WNK2: variants seen among roughly 807,000 people sequenced by gnomAD.
WNK2 encodes the protein WNK lysine deficient protein kinase 2.
Under a neutral mutation model 192.1 loss-of-function variants are expected in WNK2, and 67 were observed. The ratio of observed to expected loss-of-function variants is 0.35; its 90% CI spans 0.29 to 0.43. WNK2 has a LOEUF of 0.43. Among genes scored for constraint, WNK2 ranks in the 20% least tolerant of loss-of-function variants. The pLI, the probability that WNK2 is intolerant of heterozygous loss-of-function variation, is 1.00. For synonymous variants in WNK2, 1,439 were observed against 1,393.9 expected, an observed-to-expected ratio of 1.03 and a Z score of -0.72; for missense variants, 2,698 against 3,089.7, an observed-to-expected ratio of 0.87 and a Z score of 3.01.
chr9:93,310,442 C>CAA lies in WNK2; in HGVS notation c.6516+1864_6516+1865dup, dbSNP rs112280576. ...TTTTAAACTTTTATTTTTGTCATGG[C>CAA]AAAAAAATATATATATATATATAAA... On this transcript the variant is annotated intron_variant, in intron 28 of 29. Transcript: ENST00000427277. 5.7e-3 allele frequency among the ~76,000 whole-genome samples: 861 copies of CAA among 151,090 alleles called. 6 individuals are homozygous for CAA. Among genetic ancestry groups the CAA allele is most frequent in the African/African-American group, 0.017 (702 of 41,192 alleles).
At chr9:93,262,745 CAGG>C in intron 14 of WNK2, 26 bp downstream of exon 14, 1 of 1,610,656 alleles carries the variant, frequency 6.2e-7, no homozygotes, top group Non-Finnish European at 8.5e-7. Context: ...CTCGACCTCG[CAGG>C]ACGGGTGTAG....
Position 93,229,827 on chromosome 9 carries a change from T to C in WNK2, c.813T>C (p.Ile271=). The C allele has an allele frequency of 2.5e-6, 4 of 1,613,894 alleles. No individual in the cohort carries two copies. Among genetic ancestry groups the C allele is most frequent in the Non-Finnish European group, 3.4e-6 (4 of 1,179,872 alleles). The part of the protein sequence containing the change: ...WESSAKGKRC[I]VLVTELMTSG... ...CCAGCGCCAAGGGCAAGCGGTGCAT[T>C]GTGCTGGTGACGGAGCTGATGACCT... is the stretch of plus-strand genomic sequence containing the variant. The change falls in exon 3 of 30, where the codon ATT becomes ATC. Residue 271 remains isoleucine, a synonymous_variant. Transcript: ENST00000427277. The surrounding 1 kb of genome is among the most constrained non-coding windows in gnomAD (Gnocchi z 4.9).
Position 93,202,325 on chromosome 9 carries a change from CGTGT to C in WNK2, c.681+16754_681+16757del, listed in dbSNP as rs761769543. Among the ~76,000 whole-genome samples the C allele has an allele frequency of 5.5e-3, 715 of 130,630 alleles. 4 individuals are homozygous for C. Among genetic ancestry groups the C allele is most frequent in the Middle Eastern group, 7.6e-3 (2 of 262 alleles). 85.7% of individuals were successfully genotyped at this position (130,630 alleles called of 152,430 possible). On this transcript the variant is annotated intron_variant, in intron 2 of 29. Coordinates refer to ENST00000427277, the MANE Select transcript of WNK2 (RefSeq NM_006648.4). ...GGGCCTCTGCTGGGCTCCGTGTGCACGTGTGTGTGTGTGTGTGTGTGTGTGTGTG... is the reference window on the plus strand; with the variant it reads ...GGGCCTCTGCTGGGCTCCGTGTGCACGTGTGTGTGTGTGTGTGTGTGTGTG...
At chr9:93,306,842 C>T (rs760194487) in intron 27 of WNK2, 21 bp downstream of exon 27, 1 of 1,614,050 alleles carries the variant, frequency 6.2e-7, no homozygotes, top group East Asian at 2.2e-5. Flanking sequence ...GGGTTTTTTC[C>T]CCTTTGTCCT....
At chr9:93,224,531 T>G (rs1168320061) in intron 2 of WNK2, among the ~76,000 whole-genome samples, 1 of 152,208 alleles carries the variant, frequency 6.6e-6, no homozygotes, top group Non-Finnish European at 1.5e-5. Context: ...GTGTGACTCG[T>G]GCAGCCCTTG....
chr9:93,208,662 TTC>T (rs1833845856), intron 2 of WNK2, among the ~76,000 whole-genome samples: 1 of 152,238 alleles, frequency 6.6e-6, no homozygotes, highest in African/African-American at 2.4e-5. Flanking sequence ...TGTGCATGTA[TTC>T]TGTGTGTTCT....
intron 2 of WNK2, among the ~76,000 whole-genome samples, chr9:93,222,263 G>A (rs1373717727): frequency 6.6e-6 from 1 of 152,112 alleles, no homozygotes; most frequent in Non-Finnish European, 1.5e-5. Context: ...TCTGCTTCCA[G>A]GCTCAGGTGA....
chr9:93,302,356 C>T (rs1851753635), intron 26 of WNK2, among the ~76,000 whole-genome samples: 1 of 151,996 alleles, frequency 6.6e-6, no homozygotes. Flanking sequence ...GTATGGAAGA[C>T]ACCGAGGGGT....
intron 2 of WNK2, among the ~76,000 whole-genome samples, chr9:93,212,851 A>C (rs1163778085): frequency 6.6e-6 from 1 of 152,158 alleles, no homozygotes; most frequent in Non-Finnish European, 1.5e-5. Flanking sequence ...AGTGAGAAAA[A>C]GACTCTTCAA....
At chr9:93,298,979 C>T in intron 24 of WNK2, 91 bp from the exon 25 acceptor site, 12 of 1,368,338 alleles carry the variant, frequency 8.8e-6, no homozygotes, top group Non-Finnish European at 1.2e-5. Flanking sequence ...CCAAGGTCAC[C>T]CAGCAATAAG....
At chr9:93,199,954 C>CGG (rs1213579648) in intron 2 of WNK2, among the ~76,000 whole-genome samples, 1 of 149,616 alleles carries the variant, frequency 6.7e-6, no homozygotes, top group Non-Finnish European at 1.5e-5. Context: ...GGGGGGGCAG[C>CGG]GGTTGGGCAG....
In WNK2 at chr9:93,231,040, G is replaced by C; in HGVS notation, c.1007G>C (p.Gly336Ala). ...CDNIFITGPT[G>A]SVKIGDLGLA... ...AATATTTTCATCACCGGACCAACTG[G>C]GTCTGTGAAGATTGGCGACTTGGGC... is the stretch of plus-strand genomic sequence containing the variant. The change falls in exon 4 of 30, where the codon GGG becomes GCG. Residue 336 changes from glycine to alanine, a missense_variant. Gly to Ala is a moderately conservative substitution (Grantham distance 60). Transcript: ENST00000427277. 1 of 1,613,884 alleles carries C rather than the reference G, an allele frequency of 6.2e-7. No homozygotes were observed. The highest frequency in any genetic ancestry group is 8.5e-7 in the Non-Finnish European group (1 of 1,179,856).
Position 93,306,822 on chromosome 9 carries a change from G to A in WNK2, c.6259+1G>A. ...TGCCTAGGCAAAGAACACAGCAGTA[G>A]TAATTATCCGGGTTTTTTCCCCTTT... On this transcript the variant is annotated splice_donor_variant, in intron 27 of 29. Transcript: ENST00000427277. LOFTEE classifies it high-confidence loss of function. 1 of 1,614,084 alleles carries A rather than the reference G, an allele frequency of 6.2e-7. No individual in the cohort carries two copies. Among genetic ancestry groups the A allele is most frequent in the Non-Finnish European group, 8.5e-7 (1 of 1,179,898 alleles).
At chr9:93,316,748 C>A (rs992578136) in intron 28 of WNK2, 2 of 152,530 alleles carry the variant, frequency 1.3e-5, no homozygotes, top group African/African-American at 4.8e-5. Flanking sequence ...TTCCTCCCCG[C>A]CTGGAGATCC....
intron 2 of WNK2, among the ~76,000 whole-genome samples, chr9:93,186,969 T>A (rs1829454533): frequency 6.6e-6 from 1 of 151,734 alleles, no homozygotes; most frequent in Admixed American, 6.6e-5. Flanking sequence ...GATCTGGGGG[T>A]CCTGGGGTGT....
chr9:93,289,465 T>C lies in WNK2; in HGVS notation c.4711T>C (p.Ser1571Pro). The change falls in exon 20 of 30, where the codon TCA becomes CCA. Residue 1571 changes from serine (S) to proline (P), a missense_variant. Transcript: ENST00000427277. ...GGAGCACGTGCCCACCTCCTCAGCCTCAGCTGGGACCCCTGTGGAGGTGGG... is the reference window on the plus strand; with the variant it reads ...GGAGCACGTGCCCACCTCCTCAGCCCCAGCTGGGACCCCTGTGGAGGTGGG... ...YQEHVPTSSASAGTPVEVGDR... is the reference protein window; with the variant it reads ...YQEHVPTSSAPAGTPVEVGDR... The C allele has an allele frequency of 6.2e-7, 1 of 1,612,482 alleles. No homozygotes were observed. Among genetic ancestry groups the C allele is most frequent in the Non-Finnish European group, 8.5e-7 (1 of 1,179,482 alleles).
rs764975653 is a variant in WNK2 at position 93,288,952 on chromosome 9, G to C, written c.4198G>C (p.Ala1400Pro). 5 of 1,604,988 alleles carry C rather than the reference G, an allele frequency of 3.1e-6. No individual in the cohort carries two copies. Among genetic ancestry groups the C allele is most frequent in the Middle Eastern group, 3.3e-4 (2 of 6,032 alleles). Residue 1400 changes from alanine (A) to proline (P), a missense_variant, in exon 20 of 30, where the codon GCT (alanine) becomes CCT (proline). By Grantham distance (27) the Ala-to-Pro change is conservative. Around this residue, in one of 7 missense-constraint regions of WNK2, gnomAD observed 1,098 missense variants for 1,101.0 expected, o/e 1.00. Transcript: ENST00000427277. ...PVTALPQDGA[A>P]PATSTMPEPA... ...GACTGCTCTGCCCCAAGATGGAGCAGCTCCAGCCACCAGCACCATGCCAGA... is the reference window on the plus strand; with the variant it reads ...GACTGCTCTGCCCCAAGATGGAGCACCTCCAGCCACCAGCACCATGCCAGA...
chr9:93,257,463 G>T lies in WNK2; in HGVS notation c.2382+324G>T, dbSNP rs1010012550. Among the ~76,000 whole-genome samples, 3 of 152,126 alleles carry T rather than the reference G, an allele frequency of 2.0e-5. No homozygotes were observed. The highest frequency in any genetic ancestry group is 4.4e-5 in the Non-Finnish European group (3 of 67,988). ...GTCCTTCCAGGCCATGACCTCCCTG[G>T]GGTCCTTCAGGGAGGGCGGGCAGCC... On this transcript the variant is annotated intron_variant, in intron 11 of 29. Coordinates refer to ENST00000427277, the MANE Select transcript of WNK2 (RefSeq NM_006648.4). The surrounding 1 kb of genome is among the most constrained non-coding windows in gnomAD (Gnocchi z 4.7).
intron 2 of WNK2, among the ~76,000 whole-genome samples, chr9:93,221,112 C>T (rs980377172): frequency 2.6e-5 from 4 of 152,146 alleles, no homozygotes; most frequent in East Asian, 1.9e-4. Context: ...GTGGGGAGGG[C>T]GGGGCCCAGC....
Sources: gnomAD v4.1 joint callset for allele counts (sites outside exome capture counted in the v4.1 genomes callset) on GRCh38, gnomAD v4.1.1 for gene constraint, gnomAD v4.1.1 regional missense constraint, Gnocchi (gnomAD v3.1) non-coding constraint, MANE v1.5 for transcripts, NCBI Gene and HGNC (gene_info 2026-07-23, HGNC 2026-07-21) for gene names.